EPHA6: variants seen among roughly 807,000 people sequenced by gnomAD.
EPHA6 encodes the protein ephrin type-A receptor 6.
EPHA6 carries 50 observed loss-of-function variants against 112.0 expected under a neutral mutation model. That is an observed-to-expected ratio of 0.45 (90% CI 0.36 to 0.56). The LOEUF (loss-of-function observed/expected upper bound fraction) is 0.56, where lower values mean the gene tolerates loss of function less well. Among genes scored for constraint, EPHA6 ranks in the 20% least tolerant of loss-of-function variants. The pLI is 0.00. For missense variants in EPHA6, 1,280 were observed against 1,417.4 expected (o/e 0.90, Z 1.56); for synonymous variants, 529 against 490.7 (o/e 1.08, Z -1.03).
chr3:97,296,495 C>T (rs1188580198), intron 5 of EPHA6, among the ~76,000 whole-genome samples: 1 of 152,084 alleles, frequency 6.6e-6, no homozygotes, highest in Non-Finnish European at 1.5e-5. Flanking sequence ...GTGGAGAAAG[C>T]CAGTTTATAG....
At chr3:97,040,156 T>C (rs980745641) in intron 3 of EPHA6, among the ~76,000 whole-genome samples, 1 of 151,680 alleles carries the variant, frequency 6.6e-6, no homozygotes, top group African/African-American at 2.4e-5. Context: ...CAAATACTTA[T>C]ATTTATCAGC....
At chr3:97,593,447 T>C (rs1254653631) in intron 12 of EPHA6, among the ~76,000 whole-genome samples, 2 of 152,184 alleles carry the variant, frequency 1.3e-5, no homozygotes, top group African/African-American at 4.8e-5. Context: ...CAATCTTACT[T>C]TACATTTTAT....
chr3:97,629,087 C>A (rs181770069), intron 13 of EPHA6, among the ~76,000 whole-genome samples: 3 of 151,966 alleles, frequency 2.0e-5, no homozygotes, highest in African/African-American at 7.2e-5. Flanking sequence ...TACACCACCG[C>A]GCTAGCTAAT....
At position 97,483,903 on chromosome 3, in the gene EPHA6, T is replaced by C. The variant is rs373997976; in HGVS notation, c.2075-31T>C. Reference sequence around the variant, plus strand: ...ATATAGACCACTGAGATACTCAAACTAAATCAATCGTTTTGTTATTGTTGT... The same window carrying C: ...ATATAGACCACTGAGATACTCAAACCAAATCAATCGTTTTGTTATTGTTGT... On this transcript the variant is annotated intron_variant, in intron 9 of 17. Transcript: ENST00000389672. 133 of 1,578,544 alleles carry C rather than the reference T, an allele frequency of 8.4e-5. No homozygotes were observed. The African/African-American group carries it at 1.7e-3, about 21-fold the overall frequency.
intron 12 of EPHA6, chr3:97,606,303 T>G (rs2107438813): frequency 6.6e-6 from 1 of 151,456 alleles, no homozygotes; most frequent in East Asian, 1.9e-4. Flanking sequence ...ATAATGATTT[T>G]TCAAGAGTTA....
chr3:96,966,860 T>C (rs960054462), intron 2 of EPHA6, among the ~76,000 whole-genome samples: 2 of 152,046 alleles, frequency 1.3e-5, no homozygotes, highest in Non-Finnish European at 2.9e-5. Context: ...TACTTTAAAT[T>C]TTGTCCTAAT....
chr3:97,431,920 C>A (rs2089534373), intron 6 of EPHA6, among the ~76,000 whole-genome samples: 1 of 152,114 alleles, frequency 6.6e-6, no homozygotes, highest in African/African-American at 2.4e-5. Flanking sequence ...ATGCAATAAT[C>A]AATGATTATT....
intron 5 of EPHA6, among the ~76,000 whole-genome samples, chr3:97,248,977 T>G (rs115929024): frequency 6.1e-4 from 92 of 152,030 alleles, no homozygotes; most frequent in African/African-American, 2.1e-3. Flanking sequence ...TCTCTCACAG[T>G]CCTCACTGTG....
chr3:97,128,218 C>G (rs981988952), intron 3 of EPHA6, among the ~76,000 whole-genome samples: 2 of 152,096 alleles, frequency 1.3e-5, no homozygotes, highest in Non-Finnish European at 2.9e-5. Context: ...GAGTAGAATT[C>G]TATGGTATAT....
chr3:97,270,060 T>C (rs2079828680), intron 5 of EPHA6, among the ~76,000 whole-genome samples: 1 of 152,210 alleles, frequency 6.6e-6, no homozygotes, highest in Non-Finnish European at 1.5e-5. Context: ...ATACACTATA[T>C]CTTTCATATC....
At chr3:97,174,680 G>T (rs1314138750) in intron 3 of EPHA6, among the ~76,000 whole-genome samples, 3 of 151,794 alleles carry the variant, frequency 2.0e-5, no homozygotes, top group Non-Finnish European at 3.0e-5. Flanking sequence ...ATACCTGTTT[G>T]CCATGTGTAT....
intron 16 of EPHA6, among the ~76,000 whole-genome samples, chr3:97,742,681 ATATAG>A (rs2035558654): frequency 6.6e-6 from 1 of 152,142 alleles, no homozygotes; most frequent in South Asian, 2.1e-4. Context: ...ATCTATATCT[ATATAG>A]TATATGTCTA....
At chr3:96,935,771 G>T (rs921668803) in intron 2 of EPHA6, among the ~76,000 whole-genome samples, 4 of 149,222 alleles carry the variant, frequency 2.7e-5, no homozygotes. Flanking sequence ...ATGTGTGTGT[G>T]TGTGTAGTCC....
chr3:96,956,357 C>A (rs1218149240), intron 2 of EPHA6, among the ~76,000 whole-genome samples: 3 of 152,154 alleles, frequency 2.0e-5, no homozygotes, highest in Non-Finnish European at 4.4e-5. Context: ...TAGCTATGAT[C>A]CATTGAATTG....
chr3:97,075,194 T>A (rs1448228820), intron 3 of EPHA6, among the ~76,000 whole-genome samples: 1 of 151,998 alleles, frequency 6.6e-6, no homozygotes, highest in Non-Finnish European at 1.5e-5. Context: ...CAAAGGTGAA[T>A]TTTAAGACAT....
At chr3:97,428,950 T>G (rs1477443318) in intron 6 of EPHA6, among the ~76,000 whole-genome samples, 3 of 152,192 alleles carry the variant, frequency 2.0e-5, no homozygotes, top group African/African-American at 7.2e-5. Context: ...GCATCGGGCC[T>G]GTATTATGGT....
Position 97,677,091 on chromosome 3 carries a change from T to G in EPHA6, c.2784+39009T>G, listed in dbSNP as rs73134965. The stretch of plus-strand genomic sequence containing the variant: ...AAAATTGATACTCATTCTTCATTTT[T>G]AAAAAACTTTAGGAATGTTTGGAAA... On this transcript the variant is annotated intron_variant, in intron 14 of 17. Transcript: ENST00000389672. Among the ~76,000 whole-genome samples the G allele has an allele frequency of 4.3e-3, 653 of 152,296 alleles. 2 individuals are homozygous for G. The highest frequency in any genetic ancestry group is 0.01 in the Middle Eastern group (3 of 292).
intron 2 of EPHA6, among the ~76,000 whole-genome samples, chr3:96,906,850 G>T (rs1488407811): frequency 4.1e-4 from 63 of 151,940 alleles, no homozygotes; most frequent in Admixed American, 4.1e-3. Flanking sequence ...AAGGGAAGAG[G>T]GGAAGGATGA....
At chr3:97,359,841 A>G (rs2084279555) in intron 5 of EPHA6, among the ~76,000 whole-genome samples, 1 of 152,034 alleles carries the variant, frequency 6.6e-6, no homozygotes, top group Non-Finnish European at 1.5e-5. Flanking sequence ...AGGTCTTCTC[A>G]GGGCTTTTCT....
Sources: allele counts gnomAD v4.1 joint callset (sites outside exome capture counted in the v4.1 genomes callset), GRCh38; gene constraint gnomAD v4.1.1; transcripts MANE v1.5; gene names NCBI Gene and HGNC (gene_info 2026-07-23, HGNC 2026-07-21).